BLMH: variants seen among roughly 807,000 people sequenced by gnomAD.
The protein encoded by BLMH is BLM hydrolase.
In BLMH, 32 loss-of-function variants were observed where a neutral mutation model predicts 61.6. The ratio of observed to expected loss-of-function variants is 0.52; its 90% CI spans 0.39 to 0.70. The LOEUF (loss-of-function observed/expected upper bound fraction) is 0.70, where lower values mean the gene tolerates loss of function less well. BLMH is among the 30% of genes least tolerant of loss of function. The pLI is 0.00. For missense variants in BLMH, 460 were observed against 555.5 expected (o/e 0.83, Z 1.73); for synonymous variants, 183 against 193.8 (o/e 0.94, Z 0.46).
chr17:30,263,267 T>C (rs1240481814), intron 11 of BLMH, among the ~76,000 whole-genome samples: 1 of 152,230 alleles, frequency 6.6e-6, no homozygotes, highest in Non-Finnish European at 1.5e-5. Flanking sequence ...GGCTTAGAGA[T>C]TAGGCTCTTC....
At chr17:30,275,003 A>G (rs1419303756) in intron 6 of BLMH, among the ~76,000 whole-genome samples, 1 of 148,980 alleles carries the variant, frequency 6.7e-6, no homozygotes, top group Non-Finnish European at 1.5e-5. Flanking sequence ...TTAGGGGCAC[A>G]TGTTCTCAGG....
At position 30,285,636 on chromosome 17, in the gene BLMH, T is replaced by C. The variant is rs1908706546; in HGVS notation, c.553-156A>G. Reference sequence around the variant, plus strand: ...ATGTGTTTTTCTTCAACTTGTCCACTTAAACACATAGCTAAAAATGCTTTC... The same window carrying C: ...ATGTGTTTTTCTTCAACTTGTCCACCTAAACACATAGCTAAAAATGCTTTC... On this transcript the variant is annotated intron_variant, in intron 5 of 11. Transcript: ENST00000261714. The C allele has an allele frequency of 8.0e-6, 4 of 498,372 alleles. No homozygotes were observed. In the South Asian group the frequency reaches 1.5e-4, roughly 18 times the overall value. 30.9% of individuals were successfully genotyped at this position (498,372 alleles called of 1,614,324 possible).
intron 11 of BLMH, among the ~76,000 whole-genome samples, chr17:30,255,627 G>A (rs577279477): frequency 3.5e-4 from 53 of 152,260 alleles, no homozygotes; most frequent in African/African-American, 1.2e-3. Flanking sequence ...CGCCAGGCAC[G>A]GTGGCTCATG....
In BLMH at chr17:30,291,841, G is replaced by A. The variant is rs1461890854; in HGVS notation, c.-22C>T. On this transcript the variant is annotated 5_prime_UTR_variant, in exon 1 of 12. Coordinates refer to ENST00000261714, the MANE Select transcript of BLMH (RefSeq NM_000386.4). The stretch of plus-strand genomic sequence containing the variant: ...TCATGGCGCCCACGCTGCCCGGCGG[G>A]GTAACGGTAGCTTCCAGGGTCCTTG... 7.5e-7 allele frequency: 1 copy of A among 1,339,404 alleles called. No individual in the cohort carries two copies. The highest frequency in any genetic ancestry group is 9.5e-7 in the Non-Finnish European group (1 of 1,049,560). The allele number at this position is 1,339,404 out of a possible 1,614,324, so 83.0% of individuals were successfully genotyped here.
chr17:30,278,224 C>T (rs1025253413), intron 6 of BLMH, among the ~76,000 whole-genome samples: 1 of 152,148 alleles, frequency 6.6e-6, no homozygotes, highest in Non-Finnish European at 1.5e-5. Flanking sequence ...AGATATCCAA[C>T]TCTGCTCTCT....
intron 11 of BLMH, among the ~76,000 whole-genome samples, chr17:30,263,655 T>A (rs1218047724): frequency 6.6e-6 from 1 of 152,222 alleles, no homozygotes; most frequent in Non-Finnish European, 1.5e-5. Context: ...GAAGAAACCT[T>A]CTGTCCATTT....
chr17:30,280,305 T>C (rs1326733984), intron 6 of BLMH, among the ~76,000 whole-genome samples: 1 of 152,202 alleles, frequency 6.6e-6, no homozygotes, highest in Non-Finnish European at 1.5e-5. Context: ...CTGTTAAGGC[T>C]AGAAGATTTC....
intron 9 of BLMH, chr17:30,272,254 T>C: frequency 2.6e-6 from 1 of 390,382 alleles, no homozygotes; most frequent in Non-Finnish European, 4.6e-6. Flanking sequence ...CCAAATGCAC[T>C]GAACACATTT....
intron 10 of BLMH, 149 bp from the exon 11 acceptor site, chr17:30,267,103 GTACTT>G: frequency 6.1e-6 from 4 of 650,630 alleles, no homozygotes; most frequent in African/African-American, 3.6e-5. Context: ...GCTCTAAACA[GTACTT>G]GGTCAGGGCT....
chr17:30,283,667 G>A (rs759107530), intron 6 of BLMH, among the ~76,000 whole-genome samples: 8 of 151,742 alleles, frequency 5.3e-5, no homozygotes, highest in Non-Finnish European at 7.4e-5. Context: ...GACTACAGGC[G>A]CATACCACCA....
Position 30,259,381 on chromosome 17 carries a change from T to C in BLMH, c.1216+7504A>G, listed in dbSNP as rs565613391. 7.4e-4 allele frequency among the ~76,000 whole-genome samples: 113 copies of C among 152,296 alleles called. 1 individual carries two copies. Among genetic ancestry groups the C allele is most frequent in the Middle Eastern group, 3.4e-3 (1 of 294 alleles). On this transcript the variant is annotated intron_variant, in intron 11 of 11. Transcript: ENST00000261714. Reference sequence around the variant, plus strand: ...TCTCCTTGACCCATTTTCTGTCTGCTCTGCTGTTCCACTATTTACCACCAT... The same window carrying C: ...TCTCCTTGACCCATTTTCTGTCTGCCCTGCTGTTCCACTATTTACCACCAT...
rs984264638 is a variant in BLMH, at chr17:30,272,919, A to G, written c.802-20T>C. 1.9e-6 allele frequency: 3 copies of G among 1,610,900 alleles called. No individual in the cohort carries two copies. Among genetic ancestry groups the G allele is most frequent in the Non-Finnish European group, 2.5e-6 (3 of 1,178,490 alleles). On this transcript the variant is annotated intron_variant, in intron 7 of 11. Coordinates refer to ENST00000261714, the MANE Select transcript of BLMH (RefSeq NM_000386.4). ...ACAAATCTATCAAGATCAAGAACAC[A>G]TTAATTAGGGCACAAAACCAGGAAT...
At chr17:30,286,277 T>C (rs1374933591) in intron 5 of BLMH, among the ~76,000 whole-genome samples, 1 of 152,160 alleles carries the variant, frequency 6.6e-6, no homozygotes, top group Non-Finnish European at 1.5e-5. Flanking sequence ...ATAACTCTCC[T>C]AGGGAAAACT....
rs1010041135 is a variant in BLMH, at chr17:30,272,794, G to C, written c.907C>G (p.Gln303Glu). The change falls in exon 8 of 12, where the codon CAG (glutamine) becomes GAG (glutamate). Residue 303 changes from glutamine (Q) to glutamate (E), a missense_variant. By Grantham distance (29) the Gln-to-Glu change is conservative (BLOSUM62 2). Transcript: ENST00000261714. ...VGGRKTLYNN[Q>E]PIDFLKKMVA... ...ATCTTTTTCAGGAAGTCAATGGGCTGGTTGTTGTATAGAGTTTTTCTCCCT... is the reference window on the plus strand; with the variant it reads ...ATCTTTTTCAGGAAGTCAATGGGCTCGTTGTTGTATAGAGTTTTTCTCCCT... The C allele has an allele frequency of 6.2e-7, 1 of 1,614,178 alleles. No homozygotes were observed. Among genetic ancestry groups the C allele is most frequent in the Non-Finnish European group, 8.5e-7 (1 of 1,180,042 alleles).
intron 11 of BLMH, among the ~76,000 whole-genome samples, chr17:30,264,342 G>T (rs1406122892): frequency 6.6e-6 from 1 of 152,102 alleles, no homozygotes. Flanking sequence ...AGGATTACAG[G>T]AGAGTTACAG....
At chr17:30,278,418 G>A (rs1343350110) in intron 6 of BLMH, among the ~76,000 whole-genome samples, 1 of 152,142 alleles carries the variant, frequency 6.6e-6, no homozygotes, top group Non-Finnish European at 1.5e-5. Flanking sequence ...CCCATTTAGG[G>A]AAATGTATTT....
intron 7 of BLMH, 108 bp from the exon 8 acceptor site, chr17:30,273,007 C>A: frequency 1.6e-6 from 2 of 1,245,890 alleles, no homozygotes; most frequent in Non-Finnish European, 2.3e-6. Context: ...TCTCTGCCTA[C>A]AAGCTAAGTA....
chr17:30,255,858 C>G (rs1031236124), intron 11 of BLMH, among the ~76,000 whole-genome samples: 15 of 152,190 alleles, frequency 9.9e-5, no homozygotes, highest in Non-Finnish European at 2.9e-5. Context: ...GATTGCGCCA[C>G]TGGACTCCAG....
chr17:30,256,480 C>G (rs111919672), intron 11 of BLMH, among the ~76,000 whole-genome samples: 7,328 of 152,080 alleles, frequency 0.048, 232 homozygotes, highest in Non-Finnish European at 0.077. Context: ...AGGTGCCCAC[C>G]ACCATGCCCA....
Sources: gnomAD v4.1 joint callset for allele counts (sites outside exome capture counted in the v4.1 genomes callset) on GRCh38, gnomAD v4.1.1 for gene constraint, MANE v1.5 for transcripts, NCBI Gene and HGNC (gene_info 2026-07-23, HGNC 2026-07-21) for gene names.